Variants in LRFN2 observed in about 807,000 individuals in gnomAD.
LRFN2 encodes leucine rich repeat and fibronectin type III domain containing 2.
A neutral mutation model predicts 37.3 loss-of-function variants in LRFN2; 18 were observed. The ratio of observed to expected loss-of-function variants is 0.48; its 90% confidence interval spans 0.33 to 0.72. The LOEUF is 0.72. LRFN2 is among the 30% of genes least tolerant of loss of function. The pLI is 0.02. For synonymous variants in LRFN2, 556 were observed against 466.6 expected, an observed-to-expected ratio of 1.19 and a Z score of -2.47; for missense variants, 1,006 against 1,060.7, an observed-to-expected ratio of 0.95 and a Z score of 0.72.
At chr6:40,547,712 C>T (rs1213529550) in intron 1 of LRFN2, among the ~76,000 whole-genome samples, 2 of 151,998 alleles carry the variant, frequency 1.3e-5, no homozygotes, top group Non-Finnish European at 2.9e-5. Flanking sequence ...ATCCTCCTAC[C>T]CCCAGCTTCC....
intron 1 of LRFN2, among the ~76,000 whole-genome samples, chr6:40,501,472 C>T (rs1464954160): frequency 1.3e-5 from 2 of 151,532 alleles, no homozygotes; most frequent in East Asian, 1.9e-4. Flanking sequence ...GTGCCCATCA[C>T]CGTGCCTGGC....
At chr6:40,457,889 G>T (rs181521372) in intron 1 of LRFN2, among the ~76,000 whole-genome samples, 1 of 152,240 alleles carries the variant, frequency 6.6e-6, no homozygotes, top group African/African-American at 2.4e-5. Context: ...TGACAGATAT[G>T]ATCATCCAGC....
At chr6:40,409,622 G>A (rs1762919166) in intron 2 of LRFN2, among the ~76,000 whole-genome samples, 1 of 152,128 alleles carries the variant, frequency 6.6e-6, no homozygotes, top group South Asian at 2.1e-4. Flanking sequence ...CTGTCAAACG[G>A]GAATGAGAAC....
At chr6:40,549,169 T>C (rs1258328460) in intron 1 of LRFN2, among the ~76,000 whole-genome samples, 4 of 152,224 alleles carry the variant, frequency 2.6e-5, no homozygotes, top group Non-Finnish European at 5.9e-5. Flanking sequence ...GAGCCATCAA[T>C]GACATTGGTA....
At chr6:40,472,201 C>T (rs1764614653) in intron 1 of LRFN2, among the ~76,000 whole-genome samples, 1 of 152,222 alleles carries the variant, frequency 6.6e-6, no homozygotes, top group African/African-American at 2.4e-5. Flanking sequence ...TCCACCTTCC[C>T]TCCAGCCCCT....
chr6:40,472,323 A>G (rs905386820), intron 1 of LRFN2, among the ~76,000 whole-genome samples: 3 of 152,194 alleles, frequency 2.0e-5, no homozygotes, highest in African/African-American at 7.2e-5. Flanking sequence ...AAAAACCAGG[A>G]GTCTGCAGAT....
chr6:40,524,290 T>C (rs1766178661), intron 1 of LRFN2, among the ~76,000 whole-genome samples: 1 of 151,996 alleles, frequency 6.6e-6, no homozygotes, highest in Admixed American at 6.5e-5. Context: ...CTAACAGGTG[T>C]CCCATAACCA....
chr6:40,470,179 A>G (rs1764559402), intron 1 of LRFN2, among the ~76,000 whole-genome samples: 1 of 152,096 alleles, frequency 6.6e-6, no homozygotes, highest in South Asian at 2.1e-4. Flanking sequence ...TGGCTCCCCA[A>G]GGCATGTGGG....
At chr6:40,571,855 C>T (rs994781660) in intron 1 of LRFN2, among the ~76,000 whole-genome samples, 9 of 152,302 alleles carry the variant, frequency 5.9e-5, no homozygotes, top group African/African-American at 2.2e-4. Flanking sequence ...GTCCAGACTC[C>T]CAGCCTGGTG....
intron 1 of LRFN2, among the ~76,000 whole-genome samples, chr6:40,552,460 A>C (rs1409369401): frequency 1.3e-5 from 2 of 152,342 alleles, no homozygotes; most frequent in African/African-American, 4.8e-5. Flanking sequence ...ATTGTTTTAC[A>C]TCTGTTCCCT....
At chr6:40,522,909 G>T (rs1367084207) in intron 1 of LRFN2, among the ~76,000 whole-genome samples, 1 of 152,240 alleles carries the variant, frequency 6.6e-6, no homozygotes, top group Non-Finnish European at 1.5e-5. Flanking sequence ...AGTGTAAGGT[G>T]CAGGGCCTGC....
At chr6:40,568,847 G>A (rs1767137481) in intron 1 of LRFN2, among the ~76,000 whole-genome samples, 2 of 152,004 alleles carry the variant, frequency 1.3e-5, no homozygotes, top group Non-Finnish European at 2.9e-5. Context: ...TCAGCCTCCC[G>A]AGTAGCTGGG....
chr6:40,483,175 T>G (rs1055344909), intron 1 of LRFN2, among the ~76,000 whole-genome samples: 2 of 152,272 alleles, frequency 1.3e-5, no homozygotes, highest in Non-Finnish European at 2.9e-5. Context: ...TTAAGGGTTG[T>G]TGTGGGGCAT....
At chr6:40,433,498 T>TTGGATGGA (rs1160936691) in intron 1 of LRFN2, among the ~76,000 whole-genome samples, 1 of 152,076 alleles carries the variant, frequency 6.6e-6, no homozygotes, top group Non-Finnish European at 1.5e-5. Context: ...TAACTATCTG[T>TTGGATGGA]TGGATGGATG....
chr6:40,401,926 G>C (rs2436721), intron 2 of LRFN2, among the ~76,000 whole-genome samples: 147,883 of 152,160 alleles, frequency 0.97, 71,987 homozygotes, highest in East Asian at 1. Flanking sequence ...TCCCCTACCC[G>C]ACCCCTGGCT....
chr6:40,510,013 G>A (rs112575250), intron 1 of LRFN2, among the ~76,000 whole-genome samples: 10 of 137,612 alleles, frequency 7.3e-5, no homozygotes, highest in East Asian at 2.3e-4. Flanking sequence ...GGATGAGTGC[G>A]TGCATGCGGG....
chr6:40,398,439 C>T (rs1212548405), intron 2 of LRFN2, among the ~76,000 whole-genome samples: 1 of 151,942 alleles, frequency 6.6e-6, no homozygotes, highest in Non-Finnish European at 1.5e-5. Flanking sequence ...ATGGCTGAAC[C>T]AAACCGAAAG....
At chr6:40,423,363 G>A (rs1763273749) in intron 2 of LRFN2, among the ~76,000 whole-genome samples, 1 of 152,194 alleles carries the variant, frequency 6.6e-6, no homozygotes, top group Admixed American at 6.5e-5. Flanking sequence ...GGACCAAGAA[G>A]AAAAAGTGGG....
intron 1 of LRFN2, among the ~76,000 whole-genome samples, chr6:40,581,898 A>C (rs1352615199): frequency 6.6e-6 from 1 of 152,164 alleles, no homozygotes; most frequent in Non-Finnish European, 1.5e-5. Context: ...AATTATTCTG[A>C]AGTAGGAACC....
Sources: gnomAD v4.1 joint callset for allele counts (sites outside exome capture counted in the v4.1 genomes callset) on GRCh38, gnomAD v4.1.1 for gene constraint, MANE v1.5 for transcripts, NCBI Gene and HGNC (gene_info 2026-07-23, HGNC 2026-07-21) for gene names.